THSD4: variants seen among roughly 807,000 people sequenced by gnomAD.
THSD4 encodes the protein thrombospondin type-1 domain-containing protein 4.
In THSD4, 69 loss-of-function variants were observed where a neutral mutation model predicts 119.0. The observed-to-expected ratio is 0.58, with a 90% CI of 0.48 to 0.71. The LOEUF is 0.71. THSD4 is among the 30% of genes least tolerant of loss of function. The pLI, the probability that THSD4 is intolerant of heterozygous loss-of-function variation, is 0.00. For synonymous variants in THSD4, 524 were observed against 540.4 expected (o/e 0.97, Z 0.42); for missense variants, 1,393 against 1,391.1 (o/e 1.00, Z -0.02).
At chr15:71,749,734 T>TTTATTTATTTATTTATTTTTTTA (rs1301943468) in intron 14 of THSD4, among the ~76,000 whole-genome samples, 1 of 150,350 alleles carries the variant, frequency 6.7e-6, no homozygotes. Context: ...TATTTATTTA[T>TTTATTTATTTATTTATTTTTTTA]TTTGAGACCG....
intron 3 of THSD4, among the ~76,000 whole-genome samples, chr15:71,155,520 C>T (rs1596229382): frequency 6.6e-6 from 1 of 152,312 alleles, no homozygotes; most frequent in Non-Finnish European, 1.5e-5. Flanking sequence ...TGCAGTTGGT[C>T]TCTGATCTGA....
intron 12 of THSD4, among the ~76,000 whole-genome samples, chr15:71,746,337 G>A (rs8033900): frequency 0.02 from 3,115 of 152,234 alleles, 104 homozygotes; most frequent in African/African-American, 0.07. Context: ...TCAAGTGTCA[G>A]GCAAATTTAT....
At chr15:71,584,141 T>G (rs993593727) in intron 7 of THSD4, among the ~76,000 whole-genome samples, 4 of 152,134 alleles carry the variant, frequency 2.6e-5, no homozygotes, top group Non-Finnish European at 4.4e-5. Flanking sequence ...ATTGATTCCT[T>G]TATCATCATA....
intron 1 of THSD4, among the ~76,000 whole-genome samples, chr15:71,138,393 G>A (rs1374210525): frequency 1.3e-5 from 2 of 152,156 alleles, no homozygotes; most frequent in East Asian, 1.9e-4. Context: ...ATTACAATTC[G>A]AGATGAGATT....
intron 7 of THSD4, among the ~76,000 whole-genome samples, chr15:71,556,073 G>A (rs2049011115): frequency 6.6e-6 from 1 of 152,110 alleles, no homozygotes; most frequent in African/African-American, 2.4e-5. Flanking sequence ...TCTGTGTAGG[G>A]CAAATCAGTT....
intron 8 of THSD4, among the ~76,000 whole-genome samples, chr15:71,706,079 C>T (rs2052386792): frequency 6.6e-6 from 1 of 152,030 alleles, no homozygotes; most frequent in African/African-American, 2.4e-5. Flanking sequence ...AAACTGAGGT[C>T]GAGGCTGGTA....
At chr15:71,177,768 G>A (rs1433228331) in intron 3 of THSD4, among the ~76,000 whole-genome samples, 24 of 138,394 alleles carry the variant, frequency 1.7e-4, no homozygotes, top group Non-Finnish European at 2.7e-4. Flanking sequence ...GAATCCAGCA[G>A]CACATCAAAA....
chr15:71,227,056 C>T (rs889657192), intron 4 of THSD4, among the ~76,000 whole-genome samples: 12 of 152,056 alleles, frequency 7.9e-5, no homozygotes, highest in African/African-American at 2.9e-4. Flanking sequence ...AAACCTTAGC[C>T]CTTTTCAGTA....
chr15:71,467,723 G>A (rs560028833), intron 7 of THSD4, among the ~76,000 whole-genome samples: 23 of 152,254 alleles, frequency 1.5e-4, no homozygotes, highest in South Asian at 8.3e-4. Flanking sequence ...CTCATCTGAA[G>A]TGTAGCTTCC....
intron 6 of THSD4, among the ~76,000 whole-genome samples, chr15:71,305,577 G>A (rs990118247): frequency 6.6e-6 from 1 of 152,144 alleles, no homozygotes; most frequent in African/African-American, 2.4e-5. Context: ...CTCTGAGTCC[G>A]TTTGCTTTAT....
intron 7 of THSD4, among the ~76,000 whole-genome samples, chr15:71,485,248 C>T (rs1028292966): frequency 4.6e-5 from 7 of 152,136 alleles, no homozygotes; most frequent in Non-Finnish European, 1.0e-4. Context: ...TGGTATGGAG[C>T]CTTAGATGAG....
At chr15:71,128,262 A>G (rs906938045) in intron 1 of THSD4, among the ~76,000 whole-genome samples, 2 of 152,016 alleles carry the variant, frequency 1.3e-5, no homozygotes, top group African/African-American at 2.4e-5. Flanking sequence ...CTGTAAGACT[A>G]TAACATGTAA....
chr15:71,327,307 C>CACCG (rs1296122420), intron 6 of THSD4, among the ~76,000 whole-genome samples: 3 of 152,176 alleles, frequency 2.0e-5, no homozygotes, highest in African/African-American at 4.8e-5. Context: ...ACTGTCCTGC[C>CACCG]ACCGGCCTAC....
intron 7 of THSD4, among the ~76,000 whole-genome samples, chr15:71,416,274 A>G (rs13379916): frequency 0.29 from 13,990 of 47,984 alleles, 4,729 homozygotes; most frequent in African/African-American, 0.37. Context: ...AAGTTGATGC[A>G]AATCTTGGCT....
At chr15:71,477,992 G>A (rs531193797) in intron 7 of THSD4, among the ~76,000 whole-genome samples, 1 of 152,220 alleles carries the variant, frequency 6.6e-6, no homozygotes, top group Non-Finnish European at 1.5e-5. Flanking sequence ...CAAGCCCCAA[G>A]GCTTGGAGGC....
At chr15:71,614,040 G>T (rs894339890) in intron 7 of THSD4, among the ~76,000 whole-genome samples, 6 of 152,124 alleles carry the variant, frequency 3.9e-5, no homozygotes, top group Admixed American at 2.6e-4. Context: ...CAATTTCTGT[G>T]GTTGAGGCAG....
At position 71,688,707 on chromosome 15, in the gene THSD4, C is replaced by CTGTGTGTGTG. The variant is rs55653630; in HGVS notation, c.1357+27999_1357+28008dup. ...TGAGGTTTTTTTTTGTTTTGTATCT[C>CTGTGTGTGTG]TGTGTGTGTGTGTGTGTGTGTGTGT... is the stretch of plus-strand genomic sequence containing the variant. On this transcript the variant is annotated intron_variant, in intron 8 of 17. Coordinates refer to ENST00000261862, the MANE Select transcript of THSD4 (RefSeq NM_024817.3). 2.9e-3 allele frequency among the ~76,000 whole-genome samples: 386 copies of CTGTGTGTGTG among 133,468 alleles called. 2 individuals are homozygous for CTGTGTGTGTG. The highest frequency in any genetic ancestry group is 7.4e-3 in the African/African-American group (255 of 34,410). 87.6% of individuals were successfully genotyped at this position (133,468 alleles called of 152,430 possible).
intron 8 of THSD4, among the ~76,000 whole-genome samples, chr15:71,683,700 C>G (rs1041380075): frequency 3.9e-5 from 6 of 152,130 alleles, no homozygotes; most frequent in African/African-American, 1.4e-4. Flanking sequence ...TCTGGCCAGG[C>G]TCAGTGGCTT....
rs528790108 is a variant in THSD4 at position 71,446,407 on chromosome 15, C to T, written c.1152+34584C>T. On this transcript the variant is annotated intron_variant, in intron 7 of 17. Coordinates refer to ENST00000261862, the MANE Select transcript of THSD4 (RefSeq NM_024817.3). The stretch of plus-strand genomic sequence containing the variant: ...TGTAAAACTTCCAGTAATTCCTCCA[C>T]GGTCTTTAGGTCTCTGTTTAGTTCT... Among the ~76,000 whole-genome samples the T allele has an allele frequency of 5.9e-5, 9 of 152,290 alleles. No individual in the cohort carries two copies. In the East Asian group the frequency reaches 1.2e-3, roughly 20 times the overall value.
Sources: gnomAD v4.1 joint callset for allele counts (sites outside exome capture counted in the v4.1 genomes callset) on GRCh38, gnomAD v4.1.1 for gene constraint, MANE v1.5 for transcripts, NCBI Gene and HGNC (gene_info 2026-07-23, HGNC 2026-07-21) for gene names.